ASIC2: variants seen among roughly 807,000 people sequenced by gnomAD.
The protein encoded by ASIC2 is acid sensing ion channel subunit 2, also known as acid-sensing ion channel 2.
A neutral mutation model predicts 57.3 loss-of-function variants in ASIC2; 25 were observed. That is an observed-to-expected ratio of 0.44 (90% confidence interval 0.32 to 0.61). ASIC2 has a LOEUF of 0.61. ASIC2 is among the 20% of genes least tolerant of loss of function. The pLI, the probability that ASIC2 is intolerant of heterozygous loss-of-function variation, is 0.06. For synonymous variants in ASIC2, 319 were observed against 307.5 expected (o/e 1.04, Z -0.39); for missense variants, 641 against 738.1 (o/e 0.87, Z 1.52).
chr17:33,653,046 A>C (rs1597822596), intron 1 of ASIC2, among the ~76,000 whole-genome samples: 1 of 152,342 alleles, frequency 6.6e-6, no homozygotes, highest in South Asian at 2.1e-4. Flanking sequence ...CATGTTCTAA[A>C]AAAGATAATA....
At chr17:33,662,624 A>AAAATAAATAAATAAAT (rs71144895) in intron 1 of ASIC2, among the ~76,000 whole-genome samples, 4 of 85,746 alleles carry the variant, frequency 4.7e-5, no homozygotes, top group South Asian at 4.1e-4. Context: ...CTCTGTCTCA[A>AAAATAAATAAATAAAT]AAATAAATAA....
intron 1 of ASIC2, among the ~76,000 whole-genome samples, chr17:33,718,442 C>T (rs561631735): frequency 6.6e-6 from 1 of 151,736 alleles, no homozygotes; most frequent in East Asian, 1.9e-4. Context: ...GATGGCTCTC[C>T]CTCATCTGCC....
At chr17:34,012,174 G>A (rs60105260) in intron 1 of ASIC2, among the ~76,000 whole-genome samples, 31 of 152,140 alleles carry the variant, frequency 2.0e-4, no homozygotes, top group African/African-American at 5.8e-4. Context: ...AAGCGGTCAC[G>A]GAAACCTGAA....
intron 1 of ASIC2, chr17:34,038,913 G>A (rs1229031867): frequency 6.2e-7 from 1 of 1,612,586 alleles, no homozygotes; most frequent in Non-Finnish European, 8.5e-7. Flanking sequence ...TGCTTGATAA[G>A]ATTCTGAAAA....
chr17:33,967,218 C>T (rs1905100526), intron 1 of ASIC2, among the ~76,000 whole-genome samples: 1 of 151,994 alleles, frequency 6.6e-6, no homozygotes, highest in African/African-American at 2.4e-5. Context: ...TATTACCCAC[C>T]TAATGTTCTG....
chr17:33,053,795 A>G (rs1330083630), intron 3 of ASIC2, among the ~76,000 whole-genome samples: 2 of 151,718 alleles, frequency 1.3e-5, no homozygotes, highest in South Asian at 2.1e-4. Context: ...TTTTTCCTTT[A>G]TAAGAGGAAG....
At chr17:33,347,966 G>A (rs961762721) in intron 1 of ASIC2, among the ~76,000 whole-genome samples, 6 of 152,146 alleles carry the variant, frequency 3.9e-5, no homozygotes, top group Admixed American at 3.9e-4. Flanking sequence ...GCCAGGCATG[G>A]TGGTGCACAC....
At chr17:34,110,661 G>A (rs1425706629) in intron 1 of ASIC2, among the ~76,000 whole-genome samples, 4 of 152,130 alleles carry the variant, frequency 2.6e-5, no homozygotes, top group Admixed American at 6.5e-5. Flanking sequence ...AAAAATCATC[G>A]GTTAGGAAGG....
intron 1 of ASIC2, among the ~76,000 whole-genome samples, chr17:34,095,611 ATATATATATATATATATAATTT>A (rs1177241535): frequency 0.02 from 1,751 of 87,452 alleles, 34 homozygotes; most frequent in African/African-American, 0.093. Context: ...CAAATTTTAT[ATATATATATATATATATAATTT>A]TATATATATA....
chr17:34,084,892 T>C (rs1910043360), intron 1 of ASIC2, among the ~76,000 whole-genome samples: 1 of 152,240 alleles, frequency 6.6e-6, no homozygotes, highest in African/African-American at 2.4e-5. Context: ...TGATTTTGTA[T>C]CCTGAGACTT....
chr17:33,328,048 A>G (rs1348654592), intron 1 of ASIC2, among the ~76,000 whole-genome samples: 1 of 152,250 alleles, frequency 6.6e-6, no homozygotes, highest in African/African-American at 2.4e-5. Flanking sequence ...TTCAGAGGAA[A>G]TATAGCCCTG....
At chr17:33,549,893 T>C (rs1239331501) in intron 1 of ASIC2, among the ~76,000 whole-genome samples, 2 of 152,196 alleles carry the variant, frequency 1.3e-5, no homozygotes, top group African/African-American at 4.8e-5. Context: ...CTCCCTGCCC[T>C]TTGTGAACTA....
intron 1 of ASIC2, among the ~76,000 whole-genome samples, chr17:33,927,498 T>C (rs769817244): frequency 9.9e-5 from 15 of 152,186 alleles, no homozygotes; most frequent in Non-Finnish European, 1.9e-4. Context: ...GACACAGCAA[T>C]AGGCACTATC....
intron 1 of ASIC2, among the ~76,000 whole-genome samples, chr17:33,864,343 T>C (rs1391926464): frequency 1.3e-5 from 2 of 152,190 alleles, no homozygotes; most frequent in African/African-American, 4.8e-5. Flanking sequence ...GTAGGAAGCA[T>C]GCAGATATAG....
Position 33,617,783 on chromosome 17 carries a change from C to T in ASIC2, c.556-505716G>A, listed in dbSNP as rs149187957. ...AATTCCACCTTTGCTGCTGAAAATC[C>T]ATGTGACCCTGGGAAAGCCATTTAG... On this transcript the variant is annotated intron_variant, in intron 1 of 9. Transcript: ENST00000359872. Among the ~76,000 whole-genome samples, 634 of 152,232 alleles carry T rather than the reference C, an allele frequency of 4.2e-3. 2 individuals carry two copies. The highest frequency in any genetic ancestry group is 0.017 in the Middle Eastern group (5 of 294).
At chr17:33,279,688 C>T (rs1904859505) in intron 1 of ASIC2, among the ~76,000 whole-genome samples, 1 of 152,158 alleles carries the variant, frequency 6.6e-6, no homozygotes, top group Non-Finnish European at 1.5e-5. Flanking sequence ...AGGAGTTCTA[C>T]ACCTGCCTAG....
intron 1 of ASIC2, among the ~76,000 whole-genome samples, chr17:33,926,356 T>C (rs1047200663): frequency 3.3e-5 from 5 of 152,198 alleles, no homozygotes; most frequent in Admixed American, 6.5e-5. Flanking sequence ...GAACTTTTTT[T>C]TTGGGATTTT....
intron 1 of ASIC2, among the ~76,000 whole-genome samples, chr17:33,712,095 T>C (rs1909054652): frequency 6.6e-6 from 1 of 152,136 alleles, no homozygotes. Flanking sequence ...AGGAAAACCT[T>C]TGGAGAAGTT....
intron 1 of ASIC2, among the ~76,000 whole-genome samples, chr17:33,968,430 A>G (rs1464606529): frequency 6.6e-6 from 1 of 152,204 alleles, no homozygotes; most frequent in Non-Finnish European, 1.5e-5. Context: ...CCATCTCTGA[A>G]AGCAGCTTCT....
Sources: gnomAD v4.1 joint callset for allele counts (sites outside exome capture counted in the v4.1 genomes callset) on GRCh38, gnomAD v4.1.1 for gene constraint, MANE v1.5 for transcripts, NCBI Gene and HGNC (gene_info 2026-07-23, HGNC 2026-07-21) for gene names.